Variants in EPS15L1 observed in about 807,000 individuals in gnomAD.
The protein encoded by EPS15L1 is epidermal growth factor receptor pathway substrate 15 like 1.
Under a neutral mutation model 117.1 loss-of-function variants are expected in EPS15L1, and 43 were observed. That is an observed-to-expected ratio of 0.37 (90% CI 0.29 to 0.47). The LOEUF (loss-of-function observed/expected upper bound fraction) is 0.47, where lower values mean the gene tolerates loss of function less well. EPS15L1 is among the 20% of genes least tolerant of loss of function. The pLI, the probability that EPS15L1 is intolerant of heterozygous loss-of-function variation, is 0.99. For synonymous variants in EPS15L1, 459 were observed against 470.5 expected, an observed-to-expected ratio of 0.98 and a Z score of 0.32; for missense variants, 981 against 1,164.0, an observed-to-expected ratio of 0.84 and a Z score of 2.29.
At chr19:16,364,166 G>A (rs1234662885) in intron 22 of EPS15L1, among the ~76,000 whole-genome samples, 1 of 152,206 alleles carries the variant, frequency 6.6e-6, no homozygotes, top group East Asian at 1.9e-4. Context: ...TCGAGGCCTG[G>A]TATCAGTCTC....
intron 21 of EPS15L1, among the ~76,000 whole-genome samples, chr19:16,378,402 A>G (rs1224766198): frequency 6.6e-6 from 1 of 151,604 alleles, no homozygotes; most frequent in African/African-American, 2.4e-5. Flanking sequence ...GTCCTGCAAC[A>G]CTCAGGTCTC....
intron 1 of EPS15L1, among the ~76,000 whole-genome samples, chr19:16,457,137 G>A (rs553944288): frequency 6.6e-5 from 10 of 152,324 alleles, no homozygotes; most frequent in African/African-American, 2.2e-4. Context: ...GCAGACACCC[G>A]GAGAAGGAGG....
chr19:16,358,423 T>G (rs1327972273), intron 23 of EPS15L1: 1 of 152,574 alleles, frequency 6.6e-6, no homozygotes, highest in East Asian at 1.9e-4. Context: ...CGTATCTGGG[T>G]GGGTCACACG....
At chr19:16,413,727 A>C (rs773449632) in intron 13 of EPS15L1, 46 bp downstream of exon 13, 1 of 1,533,088 alleles carries the variant, frequency 6.5e-7, no homozygotes, top group Non-Finnish European at 9.0e-7. Context: ...TTCCTGAACT[A>C]CATTTAGCAC....
intron 13 of EPS15L1, 186 bp downstream of exon 13, chr19:16,413,587 C>G (rs753863380): frequency 2.1e-5 from 15 of 719,262 alleles, no homozygotes; most frequent in Non-Finnish European, 3.3e-5. Context: ...GGTTTTTATA[C>G]AAGAAAAATA....
chr19:16,388,267 T>C (rs946695263), intron 19 of EPS15L1, among the ~76,000 whole-genome samples: 11 of 152,122 alleles, frequency 7.2e-5, no homozygotes, highest in Non-Finnish European at 1.3e-4. Context: ...CTCGAACTCC[T>C]GGCCTCAAGT....
In EPS15L1 at chr19:16,403,803, A is replaced by G; in HGVS notation, c.1556T>C (p.Ile519Thr). The G allele has an allele frequency of 6.2e-7, 1 of 1,614,072 alleles. No homozygotes were observed. The highest frequency in any genetic ancestry group is 8.5e-7 in the Non-Finnish European group (1 of 1,180,022). ...TTCCAGCTGGACTCGCCCAGCCTGA[A>G]TGCTCTGCTCCAGCTGGGTTTCCTC... Reference protein sequence around the residue: ...QQEETQLEQSIQAGRVQLETI... With the variant: ...QQEETQLEQSTQAGRVQLETI... Residue 519 changes from isoleucine (I) to threonine (T), a missense_variant, in exon 15 of 24, where the codon ATT (isoleucine) becomes ACT (threonine). By Grantham distance (89) the Ile-to-Thr change is moderately conservative. This residue lies in a region of EPS15L1 where 819 missense variants were observed against 949.0 expected (regional missense o/e 0.86). Transcript: ENST00000455140.
In EPS15L1 at chr19:16,411,201, C is replaced by T. The variant is rs1365647418; in HGVS notation, c.1266+2572G>A. Among the ~76,000 whole-genome samples, 8 of 152,230 alleles carry T rather than the reference C, an allele frequency of 5.3e-5. No homozygotes were observed. In the South Asian group the frequency reaches 1.2e-3, roughly 24 times the overall value. ...AAAGTGGGAAAACCCAAATATTCCC[C>T]GATGGGAGGAACAGATGAAGGAAAT... On this transcript the variant is annotated intron_variant, in intron 13 of 23. Coordinates refer to ENST00000455140, the MANE Select transcript of EPS15L1 (RefSeq NM_001258374.3).
chr19:16,465,266 G>A (rs963991123), intron 1 of EPS15L1, among the ~76,000 whole-genome samples: 4 of 152,094 alleles, frequency 2.6e-5, no homozygotes, highest in African/African-American at 9.7e-5. Flanking sequence ...CCAGTCATCT[G>A]CCCCTCCTGC....
chr19:16,384,783 A>G (rs1000154495), intron 21 of EPS15L1, among the ~76,000 whole-genome samples: 4 of 152,212 alleles, frequency 2.6e-5, no homozygotes, highest in African/African-American at 9.7e-5. Flanking sequence ...TCGCACCTGC[A>G]GGCCTGCTGC....
intron 1 of EPS15L1, among the ~76,000 whole-genome samples, chr19:16,468,145 C>T (rs1442831609): frequency 6.6e-6 from 1 of 152,058 alleles, no homozygotes; most frequent in Non-Finnish European, 1.5e-5. Flanking sequence ...TCGGGTGGGG[C>T]TAAGGGAGGA....
At chr19:16,357,866 C>A (rs918444030) in intron 23 of EPS15L1, 1 of 152,372 alleles carries the variant, frequency 6.6e-6, no homozygotes. Flanking sequence ...AAGCATCCCC[C>A]CCGCCCCAGT....
At chr19:16,372,568 A>G (rs1333699031) in intron 22 of EPS15L1, among the ~76,000 whole-genome samples, 1 of 152,228 alleles carries the variant, frequency 6.6e-6, no homozygotes, top group East Asian at 1.9e-4. Context: ...GTGACCTCAC[A>G]GGGAGAAAAG....
chr19:16,411,328 G>GTT (rs2092703919), intron 13 of EPS15L1, among the ~76,000 whole-genome samples: 1 of 152,170 alleles, frequency 6.6e-6, no homozygotes, highest in East Asian at 1.9e-4. Flanking sequence ...TGCTTAATGG[G>GTT]GATGAGGTTT....
rs372334211 is a variant in EPS15L1, at chr19:16,393,933, G to T, written c.1966+18C>A. The T allele has an allele frequency of 2.0e-5, 32 of 1,613,574 alleles. No individual in the cohort carries two copies. The African/African-American group carries it at 4.0e-4, about 20-fold the overall frequency. ...TGGACACAGTCTAAAGACCGGTCCG[G>T]GAAACACTGAATTTTACCTGTTGAA... On this transcript the variant is annotated intron_variant, in intron 18 of 23. Coordinates refer to ENST00000455140, the MANE Select transcript of EPS15L1 (RefSeq NM_001258374.3).
In EPS15L1 at chr19:16,412,098, T is replaced by A. The variant is rs563858487; in HGVS notation, c.1266+1675A>T. ...ATTGTATTGTTTCATCAATTTGGAT[T>A]ATTTTTTATTTTTTTATTTTTTTAA... On this transcript the variant is annotated intron_variant, in intron 13 of 23. Coordinates refer to ENST00000455140, the MANE Select transcript of EPS15L1 (RefSeq NM_001258374.3). Among the ~76,000 whole-genome samples the A allele has an allele frequency of 2.6e-5, 4 of 152,340 alleles. No individual in the cohort carries two copies. In the South Asian group the frequency reaches 8.3e-4, roughly 32 times the overall value.
intron 19 of EPS15L1, among the ~76,000 whole-genome samples, chr19:16,390,903 T>C (rs1037419165): frequency 1.3e-5 from 2 of 152,332 alleles, no homozygotes; most frequent in African/African-American, 4.8e-5. Flanking sequence ...TGACTTACCA[T>C]GGGGTTACAT....
chr19:16,436,148 A>G (rs1489603149), intron 6 of EPS15L1, among the ~76,000 whole-genome samples: 5 of 152,100 alleles, frequency 3.3e-5, no homozygotes, highest in Non-Finnish European at 1.5e-5. Flanking sequence ...CCAGCCCATG[A>G]CCTCTCCAAG....
At chr19:16,449,044 CAGG>C (rs2145117548) in intron 1 of EPS15L1, among the ~76,000 whole-genome samples, 1 of 152,218 alleles carries the variant, frequency 6.6e-6, no homozygotes, top group African/African-American at 2.4e-5. Flanking sequence ...GAGGCCAAAG[CAGG>C]AGGACTGCTT....
Sources: gnomAD v4.1 joint callset for allele counts (sites outside exome capture counted in the v4.1 genomes callset) on GRCh38, gnomAD v4.1.1 for gene constraint, gnomAD v4.1.1 regional missense constraint, MANE v1.5 for transcripts, NCBI Gene and HGNC (gene_info 2026-07-23, HGNC 2026-07-21) for gene names.